The following PHF11 variants were observed in gnomAD, a reference collection of about 807,000 sequenced individuals.
The protein encoded by PHF11 is PHD finger protein 11.
Under a neutral mutation model 40.5 loss-of-function variants are expected in PHF11, and 38 were observed. That is an observed-to-expected ratio of 0.94 (90% CI 0.72 to 1.23). PHF11 has a LOEUF of 1.23. PHF11 is among the 50% of genes most tolerant of loss of function. The pLI is 0.00. For missense variants in PHF11, 369 were observed against 392.4 expected (o/e 0.94, Z 0.50); for synonymous variants, 127 against 138.2 (o/e 0.92, Z 0.57).
chr13:49,524,155 A>C lies in PHF11; in HGVS notation c.708A>C (p.Glu236Asp). The C allele has an allele frequency of 6.2e-7, 1 of 1,608,388 alleles. No individual in the cohort carries two copies. The highest frequency in any genetic ancestry group is 8.5e-7 in the Non-Finnish European group (1 of 1,175,362). The change falls in exon 8 of 10, where the codon GAA becomes GAC. Residue 236 changes from glutamate (E) to aspartate (D), a missense_variant. Glu to Asp is a conservative substitution (Grantham distance 45). Transcript: ENST00000378319. ...EAGLLNYLLE[E>D]ILDKVHSIPE... is the part of the protein sequence containing the mutation. The stretch of plus-strand genomic sequence containing the variant: ...GACTTCTTAATTACTTACTTGAAGA[A>C]ATATTAGACAAAGTTCATTCAATTC...
intron 5 of PHF11, 72 bp from the exon 6 acceptor site, chr13:49,521,971 G>A: frequency 2.7e-6 from 2 of 751,484 alleles, no homozygotes; most frequent in Non-Finnish European, 4.6e-6. Flanking sequence ...CATATGAGTT[G>A]TATATTTCAT....
chr13:49,525,778 G>A, intron 8 of PHF11: 1 of 456,362 alleles, frequency 2.2e-6, no homozygotes, highest in Non-Finnish European at 4.4e-6. Context: ...TCTAGACCAA[G>A]CACTTCCCAA....
At position 49,528,785 on chromosome 13, in the gene PHF11, C is replaced by T. The variant is rs1330615015; in HGVS notation, c.*120C>T. 2 of 656,750 alleles carry T rather than the reference C, an allele frequency of 3.0e-6. No individual in the cohort carries two copies. Among genetic ancestry groups the T allele is most frequent in the African/African-American group, 3.6e-5 (2 of 55,318 alleles). The allele number at this position is 656,750 out of a possible 1,614,324, so 40.7% of individuals were successfully genotyped here. A position where few individuals can be genotyped will look rare whatever the true frequency, so the allele number is the denominator to read the frequency against. On this transcript the variant is annotated 3_prime_UTR_variant, in exon 10 of 10. Transcript: ENST00000378319. ...TCGTCTCCTCTTGGCCTCAGCAGCT[C>T]TTCCCTGTTCTTACTGGTTGACATT...
chr13:49,500,112 T>G (rs1958879535), intron 1 of PHF11, among the ~76,000 whole-genome samples: 1 of 152,202 alleles, frequency 6.6e-6, no homozygotes, highest in South Asian at 2.1e-4. Context: ...ATTCCAGGCT[T>G]GTGATCTTTC....
chr13:49,503,259 C>T (rs1048930056), intron 1 of PHF11, among the ~76,000 whole-genome samples: 2 of 152,114 alleles, frequency 1.3e-5, no homozygotes, highest in Non-Finnish European at 2.9e-5. Flanking sequence ...TTTCCCTCCT[C>T]TCCAGGTTGT....
In PHF11 at chr13:49,528,726, C is replaced by A. The variant is rs2139087291; in HGVS notation, c.*61C>A. 1 of 1,262,988 alleles carries A rather than the reference C, an allele frequency of 7.9e-7. No homozygotes were observed. Among genetic ancestry groups the A allele is most frequent in the Non-Finnish European group, 1.1e-6 (1 of 897,270 alleles). 78.2% of individuals were successfully genotyped at this position (1,262,988 alleles called of 1,614,324 possible). On this transcript the variant is annotated 3_prime_UTR_variant, in exon 10 of 10. Coordinates refer to ENST00000378319, the MANE Select transcript of PHF11 (RefSeq NM_001040443.3). ...TTGCAATCAGGCTCAAAACCAGAGA[C>A]CAGGCTGTGAAATCCACACATCTTT...
At chr13:49,524,964 C>T (rs1959223414) in intron 8 of PHF11, among the ~76,000 whole-genome samples, 1 of 152,104 alleles carries the variant, frequency 6.6e-6, no homozygotes, top group Non-Finnish European at 1.5e-5. Flanking sequence ...GAGATTGATT[C>T]GGTCACATAT....
chr13:49,501,444 CCA>C (rs1958906903), intron 1 of PHF11, among the ~76,000 whole-genome samples: 1 of 152,072 alleles, frequency 6.6e-6, no homozygotes, highest in Non-Finnish European at 1.5e-5. Context: ...TGTTTTTCCC[CCA>C]GTTTCATCCT....
intron 1 of PHF11, among the ~76,000 whole-genome samples, chr13:49,496,842 T>C (rs1402813656): frequency 6.8e-6 from 1 of 146,116 alleles, no homozygotes; most frequent in Non-Finnish European, 1.5e-5. Context: ...TTTTTTTTTT[T>C]TTTTTTTTTG....
chr13:49,497,301 G>C, intron 1 of PHF11: 1 of 741,900 alleles, frequency 1.3e-6, no homozygotes, highest in Non-Finnish European at 2.0e-6. Context: ...TTTCTGAAAT[G>C]ATCTCAAACT....
Position 49,520,868 on chromosome 13 carries a change from C to T in PHF11, c.459-26C>T, listed in dbSNP as rs758635673. ...GAAACCTGTAAATAAAAATATTTTA[C>T]AATTCTTTGAAATTAAATATTTCAG... is the stretch of plus-strand genomic sequence containing the variant. On this transcript the variant is annotated intron_variant, in intron 4 of 9. Coordinates refer to ENST00000378319, the MANE Select transcript of PHF11 (RefSeq NM_001040443.3). 7.5e-6 allele frequency: 11 copies of T among 1,461,942 alleles called. No homozygotes were observed. In the Admixed American group the frequency reaches 1.3e-4, roughly 18 times the overall value. The allele number at this position is 1,461,942 out of a possible 1,614,324, so 90.6% of individuals were successfully genotyped here. A position where few individuals can be genotyped will look rare whatever the true frequency, so the allele number is the denominator to read the frequency against.
chr13:49,496,667 G>GACCTT, intron 1 of PHF11: 1 of 159,220 alleles, frequency 6.3e-6, no homozygotes, highest in Non-Finnish European at 1.4e-5. Flanking sequence ...CCAGGCTCAG[G>GACCTT]GCAAGGTCCT....
intron 8 of PHF11, among the ~76,000 whole-genome samples, chr13:49,525,411 C>A (rs1959232606): frequency 6.6e-6 from 1 of 152,072 alleles, no homozygotes; most frequent in African/African-American, 2.4e-5. Flanking sequence ...ACACACTCGG[C>A]TAATTTTTGT....
In PHF11 at chr13:49,504,865, T is replaced by C. The variant is rs555831076; in HGVS notation, c.95-1770T>C. Among the ~76,000 whole-genome samples, 62 of 150,840 alleles carry C rather than the reference T, an allele frequency of 4.1e-4. No individual in the cohort carries two copies. The East Asian group carries it at 8.4e-3, about 20-fold the overall frequency. ...ATGGGAGACTTTTCATTTTGTTCTG[T>C]ACTAAGAAAAATTCTTCTGCCTTGG... On this transcript the variant is annotated intron_variant, in intron 1 of 9. Transcript: ENST00000378319.
In PHF11 at chr13:49,503,752, A is replaced by C. The variant is rs190436076; in HGVS notation, c.95-2883A>C. Among the ~76,000 whole-genome samples the C allele has an allele frequency of 2.2e-4, 34 of 152,294 alleles. No individual in the cohort carries two copies. In the East Asian group the frequency reaches 6.2e-3, roughly 28 times the overall value. Reference sequence around the variant, plus strand: ...TGTTTGTTTGTTTGTGTCGTTTTTGAGACAGAGCCTCATTCTGTTGCCCAG... The same window carrying C: ...TGTTTGTTTGTTTGTGTCGTTTTTGCGACAGAGCCTCATTCTGTTGCCCAG... On this transcript the variant is annotated intron_variant, in intron 1 of 9. Transcript: ENST00000378319.
chr13:49,526,021 T>C (rs1413138066), intron 8 of PHF11: 8 of 323,014 alleles, frequency 2.5e-5, no homozygotes, highest in Admixed American at 4.4e-5. Context: ...ATACAAAAAT[T>C]AGCCGGGCGT....
intron 1 of PHF11, among the ~76,000 whole-genome samples, chr13:49,499,338 G>T (rs983892534): frequency 2.6e-5 from 4 of 152,214 alleles, no homozygotes; most frequent in Admixed American, 6.5e-5. Context: ...GGGGGTCATT[G>T]TGTACGCATC....
intron 9 of PHF11, among the ~76,000 whole-genome samples, 158 bp downstream of exon 9, chr13:49,526,616 CACCTG>C (rs1959296290): frequency 6.9e-6 from 1 of 145,324 alleles, no homozygotes; most frequent in African/African-American, 2.5e-5. Context: ...TGACCCCGCC[CACCTG>C]CCCACACACA....
At chr13:49,520,722 C>T (rs1295834227) in intron 4 of PHF11, among the ~76,000 whole-genome samples, 172 bp from the exon 5 acceptor site, 3 of 151,930 alleles carry the variant, frequency 2.0e-5, no homozygotes, top group Non-Finnish European at 4.4e-5. Flanking sequence ...ACTGAGTCTC[C>T]ATCTGCACTC....
Sources: gnomAD v4.1 joint callset for allele counts (sites outside exome capture counted in the v4.1 genomes callset) on GRCh38, gnomAD v4.1.1 for gene constraint, MANE v1.5 for transcripts, NCBI Gene and HGNC (gene_info 2026-07-23, HGNC 2026-07-21) for gene names.